SBF2: variants seen among roughly 807,000 people sequenced by gnomAD.
SBF2 encodes myotubularin-related protein 13.
Under a neutral mutation model 225.2 loss-of-function variants are expected in SBF2, and 112 were observed. The ratio of observed to expected loss-of-function variants is 0.50; its 90% CI spans 0.43 to 0.58. The LOEUF is 0.58. Among genes scored for constraint, SBF2 ranks in the 20% least tolerant of loss-of-function variants. The probability of loss-of-function intolerance (pLI) is 0.00; values close to 1 mark genes in which losing one functional copy is unlikely to be tolerated. For missense variants in SBF2, 1,996 were observed against 2,206.2 expected, an observed-to-expected ratio of 0.90 and a Z score of 1.91; for synonymous variants, 763 against 773.3, an observed-to-expected ratio of 0.99 and a Z score of 0.22.
intron 16 of SBF2, among the ~76,000 whole-genome samples, chr11:9,911,711 C>T (rs1266615000): frequency 6.6e-6 from 1 of 152,166 alleles, no homozygotes; most frequent in Non-Finnish European, 1.5e-5. Context: ...GCTCCATTCA[C>T]GGTAATTGTC....
chr11:9,874,340 T>C (rs1859039129), intron 17 of SBF2, among the ~76,000 whole-genome samples: 1 of 152,190 alleles, frequency 6.6e-6, no homozygotes, highest in Admixed American at 6.5e-5. Flanking sequence ...TACAGTTTTA[T>C]AGTATGTCTC....
chr11:10,175,057 A>C (rs1452331948), intron 2 of SBF2, among the ~76,000 whole-genome samples: 1 of 152,170 alleles, frequency 6.6e-6, no homozygotes, highest in East Asian at 1.9e-4. Flanking sequence ...CTGCAAAATC[A>C]TGCCAAAATG....
chr11:9,882,123 C>A lies in SBF2; in HGVS notation c.1929+13820G>T, dbSNP rs752556929. 2.0e-5 allele frequency among the ~76,000 whole-genome samples: 3 copies of A among 152,300 alleles called. No homozygotes were observed. In the South Asian group the frequency reaches 6.2e-4, roughly 32 times the overall value. On this transcript the variant is annotated intron_variant, in intron 17 of 39. Transcript: ENST00000256190. Reference sequence around the variant, plus strand: ...AAACAGTTACTTAGTAAAGAGACAACAATTCCAGACCAATACAAATGTCAC... The same window carrying A: ...AAACAGTTACTTAGTAAAGAGACAAAAATTCCAGACCAATACAAATGTCAC...
chr11:10,000,628 T>A (rs370999311), intron 8 of SBF2, among the ~76,000 whole-genome samples: 2 of 152,206 alleles, frequency 1.3e-5, no homozygotes, highest in African/African-American at 4.8e-5. Context: ...AAAGTATAAA[T>A]AGAATTTTAT....
intron 1 of SBF2, among the ~76,000 whole-genome samples, chr11:10,237,065 G>A (rs1959102565): frequency 6.6e-6 from 1 of 152,172 alleles, no homozygotes; most frequent in Non-Finnish European, 1.5e-5. Context: ...GCTACTGACA[G>A]GCACAAAGGA....
In SBF2 at chr11:9,785,152, T is replaced by A. The variant is rs2133849923; in HGVS notation, c.5204A>T (p.Gln1735Leu). 1 of 1,613,344 alleles carries A rather than the reference T, an allele frequency of 6.2e-7. No individual in the cohort carries two copies. Among genetic ancestry groups the A allele is most frequent in the South Asian group, 1.1e-5 (1 of 91,052 alleles). Residue 1735 changes from glutamine to leucine, a missense_variant, in exon 37 of 40, where the codon CAG (glutamine) becomes CTG (leucine). By Grantham distance (113) the Gln-to-Leu change is moderately radical. Coordinates refer to ENST00000256190, the MANE Select transcript of SBF2 (RefSeq NM_030962.4). Reference sequence around the variant, plus strand: ...GTTTTCATCATTCTTGGATGTATACTGGCTATAGAGCGTGGCTGCTCTTCG... The same window carrying A: ...GTTTTCATCATTCTTGGATGTATACAGGCTATAGAGCGTGGCTGCTCTTCG... ...VERRAATLYS[Q>L]YTSKNDENRS...
intron 1 of SBF2, among the ~76,000 whole-genome samples, chr11:10,277,145 A>C (rs1324405631): frequency 6.6e-6 from 1 of 150,746 alleles, no homozygotes; most frequent in South Asian, 2.1e-4. Context: ...AAAAAAAAAA[A>C]AAAAAAAAAA....
chr11:10,290,015 C>T (rs571150020), intron 1 of SBF2, among the ~76,000 whole-genome samples: 9 of 152,288 alleles, frequency 5.9e-5, no homozygotes, highest in African/African-American at 1.9e-4. Context: ...CTGACACCAC[C>T]GCCCGCACCT....
At chr11:10,187,331 T>C (rs1431933575) in intron 2 of SBF2, among the ~76,000 whole-genome samples, 1 of 151,358 alleles carries the variant, frequency 6.6e-6, no homozygotes, top group Non-Finnish European at 1.5e-5. Flanking sequence ...TCTCCCTGCG[T>C]CCCCTCTCCA....
chr11:10,266,730 G>A (rs767011759), intron 1 of SBF2, among the ~76,000 whole-genome samples: 11 of 152,162 alleles, frequency 7.2e-5, no homozygotes, highest in Non-Finnish European at 1.6e-4. Flanking sequence ...TTTAACATGA[G>A]GGATATGGAC....
At chr11:10,243,673 C>T (rs1398604934) in intron 1 of SBF2, among the ~76,000 whole-genome samples, 3 of 151,914 alleles carry the variant, frequency 2.0e-5, no homozygotes, top group Non-Finnish European at 2.9e-5. Context: ...CGATTGTGTA[C>T]AATTATATGC....
At chr11:9,825,264 G>A (rs1397134215) in intron 28 of SBF2, among the ~76,000 whole-genome samples, 1 of 152,110 alleles carries the variant, frequency 6.6e-6, no homozygotes, top group Non-Finnish European at 1.5e-5. Context: ...AGAGATTTAG[G>A]TAATGCTTCC....
chr11:10,232,881 A>G (rs1958914029), intron 1 of SBF2, among the ~76,000 whole-genome samples: 1 of 152,216 alleles, frequency 6.6e-6, no homozygotes, highest in African/African-American at 2.4e-5. Context: ...CCTTCAGACA[A>G]GTCATTTACT....
chr11:10,174,075 A>G (rs1222342164), intron 2 of SBF2, among the ~76,000 whole-genome samples: 2 of 151,872 alleles, frequency 1.3e-5, no homozygotes, highest in Non-Finnish European at 2.9e-5. Context: ...ACAGAGCAGA[A>G]AAACTGGAAA....
chr11:10,230,805 A>G (rs573863863), intron 1 of SBF2, among the ~76,000 whole-genome samples: 34 of 152,110 alleles, frequency 2.2e-4, no homozygotes, highest in South Asian at 1.2e-3. Context: ...TGCTCTTCTC[A>G]AGGAGTATCT....
chr11:10,291,458 G>C (rs1279347001), intron 1 of SBF2, among the ~76,000 whole-genome samples: 1 of 152,218 alleles, frequency 6.6e-6, no homozygotes, highest in Admixed American at 6.5e-5. Context: ...CCCAGTTTGA[G>C]GTATTTTTGT....
intron 1 of SBF2, among the ~76,000 whole-genome samples, chr11:10,234,073 A>G (rs1958966571): frequency 6.6e-6 from 1 of 152,240 alleles, no homozygotes; most frequent in South Asian, 2.1e-4. Context: ...TTATTCATCA[A>G]AGATCCAGAT....
intron 16 of SBF2, among the ~76,000 whole-genome samples, chr11:9,945,003 G>C (rs1403939674): frequency 6.6e-6 from 1 of 152,138 alleles, no homozygotes; most frequent in Non-Finnish European, 1.5e-5. Context: ...TACATGGGAG[G>C]CTGAAGCAGG....
intron 2 of SBF2, among the ~76,000 whole-genome samples, chr11:10,109,167 G>C (rs980717192): frequency 6.6e-6 from 1 of 150,700 alleles, no homozygotes; most frequent in Non-Finnish European, 1.5e-5. Flanking sequence ...CTATTCCACA[G>C]AAAGTTCAAA....
Sources: gnomAD v4.1 joint callset for allele counts (sites outside exome capture counted in the v4.1 genomes callset) on GRCh38, gnomAD v4.1.1 for gene constraint, MANE v1.5 for transcripts, NCBI Gene and HGNC (gene_info 2026-07-23, HGNC 2026-07-21) for gene names.